Variants in ANO1 observed in about 807,000 individuals in gnomAD.
ANO1 encodes the protein anoctamin-1.
A neutral mutation model predicts 124.0 loss-of-function variants in ANO1; 59 were observed. That is an observed-to-expected ratio of 0.48 (90% CI 0.39 to 0.59). The LOEUF is 0.59. ANO1 is among the 20% of genes least tolerant of loss of function. The pLI is 0.00. For missense variants in ANO1, 1,059 were observed against 1,328.0 expected, an observed-to-expected ratio of 0.80 and a Z score of 3.15; for synonymous variants, 529 against 532.0, an observed-to-expected ratio of 0.99 and a Z score of 0.08.
upstream of ANO1, among the ~76,000 whole-genome samples, chr11:69,984,179 A>T (rs557988064): frequency 7.2e-5 from 11 of 152,352 alleles, no homozygotes; most frequent in Admixed American, 2.0e-4. Context: ...CGACTTCTGC[A>T]CAATGGTCAG....
intron 11 of ANO1, among the ~76,000 whole-genome samples, chr11:70,147,854 G>A (rs548106471): frequency 8.1e-4 from 124 of 152,276 alleles, no homozygotes; most frequent in African/African-American, 2.8e-3. Context: ...CCTGCTGTGG[G>A]TCATCTCTGG....
intron 19 of ANO1, 182 bp from the exon 20 acceptor site, chr11:70,165,288 T>C (rs2048209977): frequency 1.6e-6 from 1 of 609,540 alleles, no homozygotes; most frequent in Non-Finnish European, 2.9e-6. Context: ...CTGACTTGAC[T>C]ACATTTGCAA....
intron 12 of ANO1, among the ~76,000 whole-genome samples, chr11:70,151,114 T>C (rs2047585277): frequency 6.6e-6 from 1 of 152,224 alleles, no homozygotes; most frequent in Non-Finnish European, 1.5e-5. Context: ...TTGCTTAACA[T>C]CCCTGTACCT....
At chr11:70,157,077 T>C (rs2047844085) in intron 16 of ANO1, 56 bp downstream of exon 16, 6 of 1,524,178 alleles carry the variant, frequency 3.9e-6, no homozygotes, top group Non-Finnish European at 5.4e-6. Flanking sequence ...AAGGAAGTGA[T>C]TGGCTTCAGC....
chr11:69,990,019 A>C (rs1049794182), intron 1 of ANO1, among the ~76,000 whole-genome samples: 7 of 152,206 alleles, frequency 4.6e-5, no homozygotes, highest in African/African-American at 1.7e-4. Context: ...AATCATTTTA[A>C]GTGTAGAATT....
chr11:70,084,030 G>T (rs2044280099), intron 1 of ANO1, among the ~76,000 whole-genome samples: 1 of 152,208 alleles, frequency 6.6e-6, no homozygotes, highest in African/African-American at 2.4e-5. Flanking sequence ...GAGGGACACA[G>T]TGTCTGCAAA....
intron 1 of ANO1, chr11:70,085,617 T>A (rs2044342465): frequency 6.5e-7 from 1 of 1,534,744 alleles, no homozygotes. Context: ...GCCCCAACTG[T>A]CCCCTAACCA....
intron 1 of ANO1, among the ~76,000 whole-genome samples, chr11:70,022,636 A>T (rs1856829431): frequency 6.6e-6 from 1 of 151,184 alleles, no homozygotes; most frequent in African/African-American, 2.4e-5. Flanking sequence ...GAGTGAAGCC[A>T]CTGATGGCCC....
intron 1 of ANO1, among the ~76,000 whole-genome samples, chr11:69,989,791 A>G (rs1021288397): frequency 6.6e-6 from 1 of 152,108 alleles, no homozygotes; most frequent in Admixed American, 6.5e-5. Context: ...CCCTGGGTCT[A>G]TTTTGAAAGT....
rs1180613129 is a variant in ANO1, at chr11:70,111,838, A to G, written c.855+76A>G. ...TCCCGCCGGGCCACACCCCCCCGGGAGCTGCAATTATCCTGTGGTCACAGC... is the reference window on the plus strand; with the variant it reads ...TCCCGCCGGGCCACACCCCCCCGGGGGCTGCAATTATCCTGTGGTCACAGC... On this transcript the variant is annotated intron_variant, in intron 7 of 25. Transcript: ENST00000355303. 3.5e-6 allele frequency: 5 copies of G among 1,414,148 alleles called. No homozygotes were observed. The African/African-American group carries it at 4.2e-5, about 12-fold the overall frequency. The allele number at this position is 1,414,148 out of a possible 1,614,324, so 87.6% of individuals were successfully genotyped here.
At chr11:70,032,063 G>A (rs7107395) in intron 1 of ANO1, among the ~76,000 whole-genome samples, 47,009 of 152,088 alleles carry the variant, frequency 0.31, 7,858 homozygotes, top group Admixed American at 0.38. Context: ...GAGGACAGAC[G>A]TGGCCCCTGC....
intron 11 of ANO1, among the ~76,000 whole-genome samples, chr11:70,145,719 G>C (rs573276181): frequency 6.6e-6 from 1 of 151,954 alleles, no homozygotes; most frequent in Non-Finnish European, 1.5e-5. Flanking sequence ...GGCAGATCAC[G>C]TGAGGCCAGG....
chr11:70,027,215 T>C (rs1442061186), intron 1 of ANO1, among the ~76,000 whole-genome samples: 2 of 152,224 alleles, frequency 1.3e-5, no homozygotes, highest in Non-Finnish European at 2.9e-5. Context: ...TTGAAAATAT[T>C]GTTGAGTCAA....
intron 1 of ANO1, among the ~76,000 whole-genome samples, chr11:70,054,063 CT>C (rs1555006565): frequency 6.6e-6 from 1 of 152,162 alleles, no homozygotes; most frequent in African/African-American, 2.4e-5. Context: ...TTGTGTCTGT[CT>C]TCTCTATTTC....
At chr11:70,063,753 A>T (rs151026083) in intron 1 of ANO1, 1 of 152,262 alleles carries the variant, frequency 6.6e-6, no homozygotes, top group African/African-American at 2.4e-5. Flanking sequence ...CAGCACCAGG[A>T]TGTGACATGA....
At chr11:69,970,503 G>A in the ANO1 span, among the ~76,000 whole-genome samples, 1 of 152,202 alleles carries the variant, frequency 6.6e-6, no homozygotes, top group Non-Finnish European at 1.5e-5. Flanking sequence ...GGCAGGGGCT[G>A]TTTGCTTTAG....
chr11:70,129,988 T>C (rs2509171), intron 10 of ANO1, among the ~76,000 whole-genome samples: 61,634 of 152,006 alleles, frequency 0.41, 13,592 homozygotes, highest in East Asian at 0.57. Flanking sequence ...AGAATGCCCA[T>C]GATGCTGGGC....
At chr11:70,010,190 T>C (rs1555000874) in intron 1 of ANO1, among the ~76,000 whole-genome samples, 1 of 138,626 alleles carries the variant, frequency 7.2e-6, no homozygotes, top group African/African-American at 2.7e-5. Context: ...TATATATATA[T>C]ATATATATCA....
chr11:70,036,255 C>A (rs1857091872), intron 1 of ANO1, among the ~76,000 whole-genome samples: 1 of 152,202 alleles, frequency 6.6e-6, no homozygotes, highest in African/African-American at 2.4e-5. Context: ...CACATCACCC[C>A]AATCTCTGCC....
Sources: gnomAD v4.1 joint callset for allele counts (sites outside exome capture counted in the v4.1 genomes callset) on GRCh38, gnomAD v4.1.1 for gene constraint, MANE v1.5 for transcripts, NCBI Gene and HGNC (gene_info 2026-07-23, HGNC 2026-07-21) for gene names.